RIC3: variants seen among roughly 807,000 people sequenced by gnomAD.
RIC3 encodes RIC3 acetylcholine receptor chaperone, also known as protein RIC-3.
A neutral mutation model predicts 27.3 loss-of-function variants in RIC3; 28 were observed. The observed-to-expected ratio is 1.02, with a 90% CI of 0.76 to 1.41. The LOEUF is 1.41. RIC3 is among the 40% of genes most tolerant of loss of function. The pLI, the probability that RIC3 is intolerant of heterozygous loss-of-function variation, is 0.00. For missense variants in RIC3, 501 were observed against 444.7 expected, an observed-to-expected ratio of 1.13 and a Z score of -1.14; for synonymous variants, 184 against 160.4, an observed-to-expected ratio of 1.15 and a Z score of -1.11.
intron 1 of RIC3, chr11:8,153,406 G>C (rs777204700): frequency 4.4e-6 from 2 of 452,940 alleles, no homozygotes; most frequent in Non-Finnish European, 8.8e-6. Flanking sequence ...CTTTTTGTCA[G>C]TTCTCACTCT....
chr11:8,098,619 G>A, the RIC3 span: 2 of 648,098 alleles, frequency 3.1e-6, no homozygotes, highest in Non-Finnish European at 5.5e-6. Context: ...TGTGGATTCA[G>A]TGAGCAGTAT....
chr11:8,101,830 GAAGGGA>G, downstream of RIC3: 2 of 708,522 alleles, frequency 2.8e-6, no homozygotes, highest in Non-Finnish European at 4.5e-6. Context: ...GGGTGGGTGT[GAAGGGA>G]TGAGAATAAT....
Position 8,126,653 on chromosome 11 carries a change from G to A in RIC3, c.670+6C>T. On this transcript the variant is annotated splice_donor_region_variant and intron_variant, in intron 5 of 5. Coordinates refer to ENST00000309737, the MANE Select transcript of RIC3 (RefSeq NM_001206671.4). ...GCTAACAAAAAAATGAGAAGACACTGTTTACCTTCCCAGTCCTCCATGTAA... is the reference window on the plus strand; with the variant it reads ...GCTAACAAAAAAATGAGAAGACACTATTTACCTTCCCAGTCCTCCATGTAA... 1 of 1,613,796 alleles carries A rather than the reference G, an allele frequency of 6.2e-7. No individual in the cohort carries two copies. The highest frequency in any genetic ancestry group is 8.5e-7 in the Non-Finnish European group (1 of 1,179,828).
At chr11:8,160,127 A>G (rs1305015068) in intron 1 of RIC3, among the ~76,000 whole-genome samples, 1 of 152,260 alleles carries the variant, frequency 6.6e-6, no homozygotes, top group Non-Finnish European at 1.5e-5. Flanking sequence ...TTTAGGTGTG[A>G]CAATGGTATT....
downstream of RIC3, chr11:8,103,535 C>G (rs1211599407): frequency 6.6e-6 from 1 of 152,632 alleles, no homozygotes; most frequent in East Asian, 1.9e-4. Flanking sequence ...CATACCTGTC[C>G]TAGCAGGATC....
intron 4 of RIC3, chr11:8,128,216 T>C (rs780446370): frequency 2.2e-6 from 1 of 457,412 alleles, no homozygotes; most frequent in South Asian, 1.5e-5. Context: ...TAGAAGAGCT[T>C]ACCTGCTTAT....
intron 1 of RIC3, among the ~76,000 whole-genome samples, chr11:8,164,486 A>G (rs1201304785): frequency 6.6e-6 from 1 of 152,156 alleles, no homozygotes; most frequent in Admixed American, 6.5e-5. Flanking sequence ...TCAACAATAA[A>G]GACAAGACGC....
At chr11:8,129,895 C>A in intron 4 of RIC3, among the ~76,000 whole-genome samples, 1 of 152,216 alleles carries the variant, frequency 6.6e-6, no homozygotes, top group East Asian at 1.9e-4. Context: ...ACCAAATTTC[C>A]TATTGCTGTT....
chr11:8,131,081 C>G (rs1947634427), intron 4 of RIC3, among the ~76,000 whole-genome samples: 1 of 151,038 alleles, frequency 6.6e-6, no homozygotes, highest in Non-Finnish European at 1.5e-5. Context: ...TAGTTATGAC[C>G]TGTATCAAAA....
At chr11:8,129,350 T>A (rs1339576577) in intron 4 of RIC3, among the ~76,000 whole-genome samples, 1 of 152,130 alleles carries the variant, frequency 6.6e-6, no homozygotes, top group East Asian at 1.9e-4. Flanking sequence ...GTATTACAGA[T>A]TAGACCATCA....
the RIC3 span, chr11:8,097,915 G>A: frequency 1.0e-6 from 1 of 989,552 alleles, no homozygotes; most frequent in Non-Finnish European, 1.6e-6. Flanking sequence ...TCCTGAAGGA[G>A]ATCTAGGCCA....
chr11:8,114,606 C>CAAAAA (rs58294024), intron 5 of RIC3, among the ~76,000 whole-genome samples: 1 of 136,670 alleles, frequency 7.3e-6, no homozygotes, highest in Admixed American at 7.4e-5. Context: ...AACTCCATCT[C>CAAAAA]AAAAAAAAAA....
chr11:8,100,001 G>A, the RIC3 span, among the ~76,000 whole-genome samples: 1 of 152,206 alleles, frequency 6.6e-6, no homozygotes, highest in African/African-American at 2.4e-5. Flanking sequence ...TCTGAGCAGA[G>A]GAGAAAGATC....
Position 8,161,899 on chromosome 11 carries a change from A to ACCCTG in RIC3, c.124+6966_124+6967insCAGGG, listed in dbSNP as rs1404774142. ...AGGTAATGTCCGAAACTGTTGCTAT[A>ACCCTG]AATGAGACACTCACTTTCTCCGGGC... On this transcript the variant is annotated intron_variant, in intron 1 of 5. Transcript: ENST00000309737. Among the ~76,000 whole-genome samples, 38 of 144,636 alleles carry ACCCTG rather than the reference A, an allele frequency of 2.6e-4. 1 individual carries two copies. The highest frequency in any genetic ancestry group is 2.4e-3 in the Admixed American group (32 of 13,256). The allele number at this position is 144,636 out of a possible 152,430, so 94.9% of individuals were successfully genotyped here.
intron 5 of RIC3, among the ~76,000 whole-genome samples, chr11:8,119,731 A>T (rs1225362562): frequency 6.6e-6 from 1 of 152,244 alleles, no homozygotes; most frequent in Non-Finnish European, 1.5e-5. Flanking sequence ...TGCACAGCAA[A>T]AGAAACTACC....
chr11:8,114,457 T>A (rs1473488716), intron 5 of RIC3, among the ~76,000 whole-genome samples: 1 of 151,624 alleles, frequency 6.6e-6, no homozygotes, highest in African/African-American at 2.4e-5. Flanking sequence ...ATACAAAAAA[T>A]TAGCCGGGCG....
chr11:8,097,639 C>A, the RIC3 span: 1 of 1,383,204 alleles, frequency 7.2e-7, no homozygotes, highest in Non-Finnish European at 1.0e-6. Flanking sequence ...CGGAGAGAGT[C>A]TGTGTGAGTG....
intron 1 of RIC3, among the ~76,000 whole-genome samples, chr11:8,146,575 G>T (rs1949701574): frequency 6.6e-6 from 1 of 152,172 alleles, no homozygotes; most frequent in Non-Finnish European, 1.5e-5. Context: ...AAATATAAGT[G>T]ACCATGGCAC....
chr11:8,120,381 T>A (rs748791812), intron 5 of RIC3, among the ~76,000 whole-genome samples: 11 of 152,138 alleles, frequency 7.2e-5, no homozygotes, highest in Non-Finnish European at 5.9e-5. Context: ...TGAGTTCATG[T>A]CCCTTGCAGG....
Sources: allele counts gnomAD v4.1 joint callset (sites outside exome capture counted in the v4.1 genomes callset), GRCh38; gene constraint gnomAD v4.1.1; transcripts MANE v1.5; gene names NCBI Gene and HGNC (gene_info 2026-07-23, HGNC 2026-07-21).